Variants in ZFPM2 observed in about 807,000 individuals in gnomAD.
The protein encoded by ZFPM2 is zinc finger protein, FOG family member 2.
Under a neutral mutation model 98.6 loss-of-function variants are expected in ZFPM2, and 20 were observed. The observed-to-expected ratio is 0.20, with a 90% CI of 0.14 to 0.29. The LOEUF (loss-of-function observed/expected upper bound fraction) is 0.29. Ranked by LOEUF, ZFPM2 falls within the 10% of genes least tolerant of loss-of-function variation. The pLI, the probability that ZFPM2 is intolerant of heterozygous loss-of-function variation, is 1.00. For synonymous variants in ZFPM2, 518 were observed against 502.7 expected, an observed-to-expected ratio of 1.03 and a Z score of -0.41; for missense variants, 1,310 against 1,388.6, an observed-to-expected ratio of 0.94 and a Z score of 0.90.
At chr8:105,427,570 T>TGA (rs1426864233) in intron 2 of ZFPM2, among the ~76,000 whole-genome samples, 1 of 152,200 alleles carries the variant, frequency 6.6e-6, no homozygotes, top group Admixed American at 6.5e-5. Flanking sequence ...CATTATCATT[T>TGA]GAGAAGCAAC....
In ZFPM2 at chr8:105,802,186, T is replaced by C; in HGVS notation, c.2104T>C (p.Tyr702His). The change falls in exon 8 of 8, where the codon TAC (tyrosine) becomes CAC (histidine). Residue 702 changes from tyrosine (Y) to histidine (H), a missense_variant. By Grantham distance (83) the Tyr-to-His change is moderately conservative (BLOSUM62 2). Coordinates refer to ENST00000407775, the MANE Select transcript of ZFPM2 (RefSeq NM_012082.4). The part of the protein sequence containing the change: ...CNITFSRHET[Y>H]MVHKQYYCAT... Reference sequence around the variant, plus strand: ...CATTACCTTCAGCCGGCACGAAACATACATGGTCCACAAACAGTATTACTG... The same window carrying C: ...CATTACCTTCAGCCGGCACGAAACACACATGGTCCACAAACAGTATTACTG... 1 of 1,613,908 alleles carries C rather than the reference T, an allele frequency of 6.2e-7. No homozygotes were observed. Among genetic ancestry groups the C allele is most frequent in the Non-Finnish European group, 8.5e-7 (1 of 1,179,882 alleles).
intron 3 of ZFPM2, among the ~76,000 whole-genome samples, chr8:105,474,703 A>G (rs760661920): frequency 4.6e-5 from 7 of 152,226 alleles, no homozygotes; most frequent in African/African-American, 7.2e-5. Context: ...GTGCACTTAC[A>G]TAGTAATTTG....
Position 105,401,253 on chromosome 8 carries a change from T to C in ZFPM2, c.41-17891T>C, listed in dbSNP as rs533644043. Among the ~76,000 whole-genome samples the C allele has an allele frequency of 5.0e-4, 35 of 70,022 alleles. 1 individual carries two copies. In the South Asian group the frequency reaches 0.014, roughly 27 times the overall value. The allele number at this position is 70,022 out of a possible 152,430, so 45.9% of individuals were successfully genotyped here. A position where few individuals can be genotyped will look rare whatever the true frequency, so the allele number is the denominator to read the frequency against. On this transcript the variant is annotated intron_variant, in intron 1 of 7. Coordinates refer to ENST00000407775, the MANE Select transcript of ZFPM2 (RefSeq NM_012082.4). ...TAATCATTTAATAAGTTTTACATTC[T>C]TCCTTCAGTCATTTTTCAATTTTGG...
At chr8:105,585,753 AC>A (rs1359175494) in intron 4 of ZFPM2, among the ~76,000 whole-genome samples, 1 of 151,886 alleles carries the variant, frequency 6.6e-6, no homozygotes, top group Non-Finnish European at 1.5e-5. Flanking sequence ...GGATTGCTTG[AC>A]CCCAGGAGTT....
chr8:105,608,122 A>G (rs948199056), intron 4 of ZFPM2, among the ~76,000 whole-genome samples: 1 of 152,070 alleles, frequency 6.6e-6, no homozygotes, highest in African/African-American at 2.4e-5. Context: ...TGTAAATGGG[A>G]GCTAAATAAT....
chr8:105,534,050 C>CCCTCCCATCTT (rs1814375198), intron 3 of ZFPM2, among the ~76,000 whole-genome samples: 1 of 37,296 alleles, frequency 2.7e-5, no homozygotes, highest in African/African-American at 1.3e-4. Flanking sequence ...CTCCCTTCCT[C>CCCTCCCATCTT]CCTTCCTCCC....
chr8:105,666,193 A>G (rs970164920), intron 5 of ZFPM2, among the ~76,000 whole-genome samples: 1 of 152,224 alleles, frequency 6.6e-6, no homozygotes. Flanking sequence ...GGTTGAGACC[A>G]CTGCCATCTC....
intron 5 of ZFPM2, among the ~76,000 whole-genome samples, chr8:105,745,950 T>A (rs1392269845): frequency 6.6e-6 from 1 of 151,978 alleles, no homozygotes; most frequent in Non-Finnish European, 1.5e-5. Flanking sequence ...TTGTTGTTGT[T>A]GTAGAGACAG....
chr8:105,468,572 A>G (rs1399463234), intron 3 of ZFPM2, among the ~76,000 whole-genome samples: 2 of 152,032 alleles, frequency 1.3e-5, no homozygotes, highest in Non-Finnish European at 2.9e-5. Context: ...TCCTGTTAGC[A>G]CCTTCCATGG....
intron 4 of ZFPM2, among the ~76,000 whole-genome samples, chr8:105,615,885 C>T (rs905319754): frequency 1.3e-5 from 2 of 151,932 alleles, no homozygotes; most frequent in Admixed American, 6.6e-5. Context: ...GTATAACTAG[C>T]GTGAAATAGG....
intron 3 of ZFPM2, among the ~76,000 whole-genome samples, chr8:105,451,070 T>C (rs1483910029): frequency 4.6e-5 from 7 of 152,198 alleles, no homozygotes; most frequent in Non-Finnish European, 1.0e-4. Flanking sequence ...CAATTTATTA[T>C]TACTATTATG....
At chr8:105,330,246 T>C (rs1419214631) in intron 1 of ZFPM2, among the ~76,000 whole-genome samples, 1 of 151,392 alleles carries the variant, frequency 6.6e-6, no homozygotes, top group African/African-American at 2.4e-5. Context: ...TTTCTCTGAG[T>C]TTTAAGGGTC....
intron 3 of ZFPM2, among the ~76,000 whole-genome samples, chr8:105,462,840 A>G (rs1381095589): frequency 6.6e-6 from 1 of 152,066 alleles, no homozygotes; most frequent in Non-Finnish European, 1.5e-5. Flanking sequence ...ATCCGTTTGT[A>G]TCTATGTTGT....
chr8:105,370,587 G>A (rs748897435), intron 1 of ZFPM2, among the ~76,000 whole-genome samples: 2 of 152,100 alleles, frequency 1.3e-5, no homozygotes, highest in Non-Finnish European at 2.9e-5. Context: ...AGAATAAAAG[G>A]GGCTATTACA....
intron 3 of ZFPM2, among the ~76,000 whole-genome samples, chr8:105,489,085 G>C (rs1418050977): frequency 6.6e-6 from 1 of 151,992 alleles, no homozygotes; most frequent in Admixed American, 6.6e-5. Flanking sequence ...ATGCCATTGA[G>C]AGTATATTCA....
At chr8:105,413,482 TTA>T (rs200856542) in intron 1 of ZFPM2, among the ~76,000 whole-genome samples, 28,481 of 139,718 alleles carry the variant, frequency 0.2, 3,039 homozygotes, top group Middle Eastern at 0.32. Context: ...AATTCAAACA[TTA>T]TATATATATA....
At chr8:105,556,645 T>C (rs1371345080) in intron 3 of ZFPM2, among the ~76,000 whole-genome samples, 5 of 151,952 alleles carry the variant, frequency 3.3e-5, no homozygotes, top group African/African-American at 1.2e-4. Flanking sequence ...TGCCATCTCA[T>C]CCAAAGGAAT....
intron 2 of ZFPM2, among the ~76,000 whole-genome samples, chr8:105,430,664 C>T (rs375989747): frequency 3.3e-5 from 5 of 152,104 alleles, no homozygotes; most frequent in South Asian, 2.1e-4. Flanking sequence ...AGGGAGGAGA[C>T]GCTGTTGGAA....
intron 5 of ZFPM2, among the ~76,000 whole-genome samples, chr8:105,722,481 A>T (rs923300278): frequency 6.6e-6 from 1 of 151,944 alleles, no homozygotes; most frequent in East Asian, 1.9e-4. Flanking sequence ...TTAACTACTG[A>T]TAACCTACTA....
Sources: allele counts gnomAD v4.1 joint callset (sites outside exome capture counted in the v4.1 genomes callset), GRCh38; gene constraint gnomAD v4.1.1; transcripts MANE v1.5; gene names NCBI Gene and HGNC (gene_info 2026-07-23, HGNC 2026-07-21).